Variants in CD226 observed in about 807,000 individuals in gnomAD.
The protein encoded by CD226 is CD226 antigen.
Under a neutral mutation model 34.9 loss-of-function variants are expected in CD226, and 24 were observed. The observed-to-expected ratio is 0.69, with a 90% confidence interval of 0.50 to 0.97. The LOEUF is 0.97. Among genes scored for constraint, CD226 ranks in the 50% least tolerant of loss-of-function variants. The probability of loss-of-function intolerance (pLI) is 0.00; values close to 1 mark genes in which losing one functional copy is unlikely to be tolerated. For missense variants in CD226, 397 were observed against 412.7 expected (o/e 0.96, Z 0.33); for synonymous variants, 148 against 147.4 (o/e 1.00, Z -0.03).
chr18:69,946,814 T>C lies in CD226; in HGVS notation c.302A>G (p.Asp101Gly), dbSNP rs2055798563. 6.2e-7 allele frequency: 1 copy of C among 1,614,068 alleles called. No homozygotes were observed. Among genetic ancestry groups the C allele is most frequent in the African/African-American group, 1.3e-5 (1 of 75,022 alleles). ...AGAGCAGGAATAGTAGCCAACATCATCTTCAGAGGCATTCCGAAAGAAAAG... is the reference window on the plus strand; with the variant it reads ...AGAGCAGGAATAGTAGCCAACATCACCTTCAGAGGCATTCCGAAAGAAAAG... The part of the protein sequence containing the change: ...MTLFFRNASE[D>G]DVGYYSCSLY... The change falls in exon 2 of 6, where the codon GAT becomes GGT. Residue 101 changes from aspartate to glycine, a missense_variant. Coordinates refer to ENST00000582621, the MANE Select transcript of CD226 (RefSeq NM_001303618.2).
intron 3 of CD226, among the ~76,000 whole-genome samples, chr18:69,873,608 G>T (rs1046350984): frequency 6.6e-6 from 1 of 152,078 alleles, no homozygotes; most frequent in Non-Finnish European, 1.5e-5. Context: ...GCCAGGTGTA[G>T]TGGCTCAGGC....
intron 4 of CD226, among the ~76,000 whole-genome samples, chr18:69,868,191 GAT>G (rs1983267382): frequency 6.6e-6 from 1 of 152,204 alleles, no homozygotes; most frequent in Admixed American, 6.5e-5. Flanking sequence ...TGCAAGAGCT[GAT>G]ATAACTGTAT....
chr18:69,944,272 T>C (rs2055762606), intron 2 of CD226, among the ~76,000 whole-genome samples: 1 of 152,180 alleles, frequency 6.6e-6, no homozygotes, highest in Non-Finnish European at 1.5e-5. Context: ...TGGCTAAGGA[T>C]ACCATCATGA....
At chr18:69,878,242 T>C (rs1427092385) in intron 3 of CD226, among the ~76,000 whole-genome samples, 1 of 152,158 alleles carries the variant, frequency 6.6e-6, no homozygotes, top group Non-Finnish European at 1.5e-5. Context: ...ATCCCAATGC[T>C]GTGTTGATTC....
intron 2 of CD226, among the ~76,000 whole-genome samples, chr18:69,942,859 T>C (rs1487253970): frequency 6.6e-6 from 1 of 152,174 alleles, no homozygotes; most frequent in African/African-American, 2.4e-5. Context: ...CTTTAAGCCA[T>C]CAGTACCCCC....
Position 69,854,214 on chromosome 18 carries a change from G to GT in CD226, c.*10099dup, listed in dbSNP as rs1982550806. On this transcript the variant is annotated 3_prime_UTR_variant, in exon 6 of 6. Transcript: ENST00000582621. ...TTATTAGACCTATTAGAGAACCAAG[G>GT]TCCTGAGCAAACTGCCACCCCAAAA... 6.6e-6 allele frequency: 1 copy of GT among 152,132 alleles called. No individual in the cohort carries two copies. Among genetic ancestry groups the GT allele is most frequent in the African/African-American group, 2.4e-5 (1 of 41,414 alleles). 9.4% of individuals were successfully genotyped at this position (152,132 alleles called of 1,614,324 possible). A position where few individuals can be genotyped will look rare whatever the true frequency, so the allele number is the denominator to read the frequency against.
At chr18:69,905,572 C>T (rs1351258534) in intron 2 of CD226, among the ~76,000 whole-genome samples, 1 of 152,120 alleles carries the variant, frequency 6.6e-6, no homozygotes, top group African/African-American at 2.4e-5. Context: ...GTGGGAGACT[C>T]ATGCAGAAAG....
intron 4 of CD226, among the ~76,000 whole-genome samples, chr18:69,868,803 G>GCACGCA (rs1555676767): frequency 1.3e-5 from 2 of 150,904 alleles, no homozygotes; most frequent in Admixed American, 1.3e-4. Flanking sequence ...GCGCGTGCAC[G>GCACGCA]CACACACACA....
At chr18:69,928,006 G>A (rs933769269) in intron 2 of CD226, among the ~76,000 whole-genome samples, 1 of 152,138 alleles carries the variant, frequency 6.6e-6, no homozygotes, top group East Asian at 1.9e-4. Flanking sequence ...ACAAACTAGT[G>A]GGTGAAATAC....
intron 2 of CD226, among the ~76,000 whole-genome samples, chr18:69,939,440 CA>C (rs1193553130): frequency 6.6e-6 from 1 of 152,218 alleles, no homozygotes; most frequent in East Asian, 1.9e-4. Context: ...AGTGATAATT[CA>C]CTCATTTTAG....
At chr18:69,931,245 G>T (rs974857128) in intron 2 of CD226, among the ~76,000 whole-genome samples, 2 of 152,122 alleles carry the variant, frequency 1.3e-5, no homozygotes, top group Admixed American at 6.5e-5. Context: ...GGTGGGGAGA[G>T]GGGGGAGGGA....
At chr18:69,949,534 G>C (rs1163880384), upstream of CD226, among the ~76,000 whole-genome samples, 1 of 152,082 alleles carries the variant, frequency 6.6e-6, no homozygotes, top group Non-Finnish European at 1.5e-5. Flanking sequence ...GTCCCCCTAA[G>C]TACTCCTCCT....
intron 2 of CD226, among the ~76,000 whole-genome samples, chr18:69,916,188 T>C (rs1028815390): frequency 2.0e-5 from 3 of 152,208 alleles, no homozygotes; most frequent in Admixed American, 1.3e-4. Flanking sequence ...TGATTTGTGA[T>C]TTATTTGTAA....
At chr18:69,903,377 G>A (rs1261168627) in intron 2 of CD226, among the ~76,000 whole-genome samples, 5 of 152,106 alleles carry the variant, frequency 3.3e-5, no homozygotes. Context: ...CTCCCTGTGT[G>A]CATTCATTTC....
chr18:69,875,510 T>G (rs970248681), intron 3 of CD226, among the ~76,000 whole-genome samples: 1 of 152,210 alleles, frequency 6.6e-6, no homozygotes, highest in East Asian at 1.9e-4. Context: ...CCGCCAACAG[T>G]GTACAAGGGT....
intron 3 of CD226, among the ~76,000 whole-genome samples, chr18:69,893,312 G>A (rs181879170): frequency 3.9e-5 from 6 of 152,268 alleles, no homozygotes; most frequent in South Asian, 2.1e-4. Context: ...AGAGTTTGAC[G>A]CTGTTTATAA....
chr18:69,931,734 C>T (rs550911180), intron 2 of CD226, among the ~76,000 whole-genome samples: 17 of 152,166 alleles, frequency 1.1e-4, no homozygotes, highest in Non-Finnish European at 2.5e-4. Flanking sequence ...ATGAAGAACA[C>T]ACTAGGAATA....
At chr18:69,907,060 C>T (rs2055263550) in intron 2 of CD226, among the ~76,000 whole-genome samples, 1 of 152,196 alleles carries the variant, frequency 6.6e-6, no homozygotes, top group Non-Finnish European at 1.5e-5. Context: ...TTTGCTTTTC[C>T]TGACCAGGCA....
At chr18:69,880,349 A>AAGGAAGG (rs1568164911) in intron 3 of CD226, among the ~76,000 whole-genome samples, 9 of 80,258 alleles carry the variant, frequency 1.1e-4, no homozygotes, top group African/African-American at 3.4e-4. Context: ...AGAAAGAAAG[A>AAGGAAGG]AAGAAAGAAA....
Sources: allele counts gnomAD v4.1 joint callset (sites outside exome capture counted in the v4.1 genomes callset), GRCh38; gene constraint gnomAD v4.1.1; transcripts MANE v1.5; gene names NCBI Gene and HGNC (gene_info 2026-07-23, HGNC 2026-07-21).